SZRD1: variants seen among roughly 807,000 people sequenced by gnomAD.
SZRD1 encodes SUZ RNA binding domain containing 1, also known as SUZ RNA-binding domain-containing.
SZRD1 carries 7 observed loss-of-function variants against 17.6 expected under a neutral mutation model. That is an observed-to-expected ratio of 0.40 (90% CI 0.23 to 0.75). The LOEUF (loss-of-function observed/expected upper bound fraction) is 0.75, where lower values mean the gene tolerates loss of function less well. Among genes scored for constraint, SZRD1 ranks in the 30% least tolerant of loss-of-function variants. SZRD1 has a pLI of 0.38. For missense variants in SZRD1, 178 were observed against 201.8 expected, an observed-to-expected ratio of 0.88 and a Z score of 0.71; for synonymous variants, 77 against 77.9, an observed-to-expected ratio of 0.99 and a Z score of 0.06.
Position 16,381,166 on chromosome 1 carries a change from A to G in SZRD1, c.52-10209A>G, listed in dbSNP as rs182903396. Among the ~76,000 whole-genome samples, 21 of 151,476 alleles carry G rather than the reference A, an allele frequency of 1.4e-4. No homozygotes were observed. The East Asian group carries it at 3.7e-3, about 27-fold the overall frequency. ...CTGCTCAGGAGGCCGAGGCCGAAGGATCACTTGAGTCCAGGAGTGTGAGGC... is the reference window on the plus strand; with the variant it reads ...CTGCTCAGGAGGCCGAGGCCGAAGGGTCACTTGAGTCCAGGAGTGTGAGGC... On this transcript the variant is annotated intron_variant, in intron 1 of 3. Transcript: ENST00000401088.
In SZRD1 at chr1:16,389,308, A is replaced by G. The variant is rs547029723; in HGVS notation, c.52-2067A>G. On this transcript the variant is annotated intron_variant, in intron 1 of 3. Transcript: ENST00000401088. ...GGGGCAGAGTCTTGCTCTGTCGCCC[A>G]GGCTGGAGTGCAGTGGCGCCATCTC... 1.2e-4 allele frequency among the ~76,000 whole-genome samples: 18 copies of G among 150,318 alleles called. No individual in the cohort carries two copies. The East Asian group carries it at 3.6e-3, about 30-fold the overall frequency.
rs2082872674 is a variant in SZRD1 at position 16,369,307 on chromosome 1, T to C, written c.51+1999T>C. 4.9e-5 allele frequency: 34 copies of C among 695,552 alleles called. No homozygotes were observed. In the South Asian group the frequency reaches 5.7e-4, roughly 12 times the overall value. The allele number at this position is 695,552 out of a possible 1,614,324, so 43.1% of individuals were successfully genotyped here. Reference sequence around the variant, plus strand: ...GAAATACCTTTTGGAGAAAGGCACCTCGGATGTCACGTTGATCTTGCTCTT... The same window carrying C: ...GAAATACCTTTTGGAGAAAGGCACCCCGGATGTCACGTTGATCTTGCTCTT... On this transcript the variant is annotated intron_variant, in intron 1 of 3. Coordinates refer to ENST00000401088, the MANE Select transcript of SZRD1 (RefSeq NM_001114600.3).
chr1:16,384,768 T>G (rs1004694113), intron 1 of SZRD1, among the ~76,000 whole-genome samples: 3 of 152,312 alleles, frequency 2.0e-5, no homozygotes, highest in African/African-American at 7.2e-5. Flanking sequence ...CTTTGCCCTT[T>G]GCTTTTTGTG....
chr1:16,369,991 A>G lies in SZRD1; in HGVS notation c.51+2683A>G, dbSNP rs567165687. The stretch of plus-strand genomic sequence containing the variant: ...AAATGCAGGTTCTCTAATATATTTT[A>G]TTTAATTGAATCCTTGAAACAACCT... On this transcript the variant is annotated intron_variant, in intron 1 of 3. Coordinates refer to ENST00000401088, the MANE Select transcript of SZRD1 (RefSeq NM_001114600.3). Among the ~76,000 whole-genome samples, 4 of 151,886 alleles carry G rather than the reference A, an allele frequency of 2.6e-5. No homozygotes were observed. The East Asian group carries it at 7.8e-4, about 29-fold the overall frequency.
At chr1:16,376,910 C>T (rs2083013690) in intron 1 of SZRD1, among the ~76,000 whole-genome samples, 1 of 151,284 alleles carries the variant, frequency 6.6e-6, no homozygotes, top group Non-Finnish European at 1.5e-5. Flanking sequence ...TCAAGTGATA[C>T]TCCCACCTCA....
intron 1 of SZRD1, among the ~76,000 whole-genome samples, chr1:16,386,568 T>A (rs77013240): frequency 0.025 from 3,829 of 152,268 alleles, 163 homozygotes; most frequent in African/African-American, 0.087. Context: ...GAGAATAGAC[T>A]GACTCATGAT....
intron 1 of SZRD1, chr1:16,387,912 C>T: frequency 2.9e-6 from 1 of 345,132 alleles, no homozygotes; most frequent in South Asian, 2.2e-5. Context: ...ACGTAGTGGA[C>T]ATAGATTCTG....
chr1:16,383,068 A>G (rs2100725884), intron 1 of SZRD1, among the ~76,000 whole-genome samples: 1 of 150,264 alleles, frequency 6.7e-6, no homozygotes, highest in African/African-American at 2.4e-5. Context: ...GTTTCACCAT[A>G]TTGCTCAGGC....
intron 1 of SZRD1, among the ~76,000 whole-genome samples, chr1:16,374,762 G>A (rs968195188): frequency 6.6e-6 from 1 of 152,220 alleles, no homozygotes; most frequent in Admixed American, 6.5e-5. Flanking sequence ...CTACTGACCT[G>A]TTGGTTTCCT....
chr1:16,385,160 C>T (rs1179379819), intron 1 of SZRD1, among the ~76,000 whole-genome samples: 4 of 152,070 alleles, frequency 2.6e-5, no homozygotes, highest in African/African-American at 9.7e-5. Flanking sequence ...GTGTTGGTGA[C>T]ACTGGAGACC....
chr1:16,387,770 G>T lies in SZRD1; in HGVS notation c.52-3605G>T, dbSNP rs535775509. 4.6e-4 allele frequency: 204 copies of T among 448,144 alleles called. 1 individual carries two copies. Among genetic ancestry groups the T allele is most frequent in the Middle Eastern group, 6.6e-4 (2 of 3,014 alleles). The allele number at this position is 448,144 out of a possible 1,614,324, so 27.8% of individuals were successfully genotyped here. A position where few individuals can be genotyped will look rare whatever the true frequency, so the allele number is the denominator to read the frequency against. ...ACAGTATGAAACTTTAAAACAAGAA[G>T]TTACTTGTGAGAAGCCCTTAAAAGG... On this transcript the variant is annotated intron_variant, in intron 1 of 3. Coordinates refer to ENST00000401088, the MANE Select transcript of SZRD1 (RefSeq NM_001114600.3).
rs1042785163 is a variant in SZRD1, at chr1:16,391,163, C to A, written c.52-212C>A. Among the ~76,000 whole-genome samples, 2 of 152,126 alleles carry A rather than the reference C, an allele frequency of 1.3e-5. No homozygotes were observed. On this transcript the variant is annotated intron_variant, in intron 1 of 3. Coordinates refer to ENST00000401088, the MANE Select transcript of SZRD1 (RefSeq NM_001114600.3). The surrounding 1 kb of genome is among the most constrained non-coding windows in gnomAD (Gnocchi z 4.3). ...CCCAGCTGAACAATGAGGTTTAGAA[C>A]TGTCATGGCGGCCATGGGGCTAGAA...
Position 16,395,230 on chromosome 1 carries a change from C to A in SZRD1, c.*90C>A. 1.1e-6 allele frequency: 1 copy of A among 910,520 alleles called. No homozygotes were observed. The highest frequency in any genetic ancestry group is 1.8e-6 in the Non-Finnish European group (1 of 549,452). 56.4% of individuals were successfully genotyped at this position (910,520 alleles called of 1,614,324 possible). A position where few individuals can be genotyped will look rare whatever the true frequency, so the allele number is the denominator to read the frequency against. On this transcript the variant is annotated 3_prime_UTR_variant, in exon 4 of 4. Transcript: ENST00000401088. ...TGCACTGCCGTGGCAGACAGCTGGA[C>A]TTGAGCAGAGGGAACGACCTGACTT...
At position 16,393,751 on chromosome 1, in the gene SZRD1, A is replaced by C. The variant is rs1274588583; in HGVS notation, c.356+269A>C. Among the ~76,000 whole-genome samples the C allele has an allele frequency of 6.6e-6, 1 of 152,172 alleles. No homozygotes were observed. The highest frequency in any genetic ancestry group is 1.5e-5 in the Non-Finnish European group (1 of 68,028). ...AGTCACCGGGGGCACTGTTGTGTAG[A>C]GAGTGAAGGCACAGATGAGCTTGTG... On this transcript the variant is annotated intron_variant, in intron 3 of 3. Coordinates refer to ENST00000401088, the MANE Select transcript of SZRD1 (RefSeq NM_001114600.3). The surrounding 1 kb of genome is among the most constrained non-coding windows in gnomAD (Gnocchi z 5.6).
chr1:16,396,507 CT>C lies in SZRD1; in HGVS notation c.*1369del, dbSNP rs1331502573. The C allele has an allele frequency of 1.3e-5, 2 of 152,296 alleles. No individual in the cohort carries two copies. The highest frequency in any genetic ancestry group is 2.1e-4 in the South Asian group (1 of 4,826). The allele number at this position is 152,296 out of a possible 1,614,324, so 9.4% of individuals were successfully genotyped here. On this transcript the variant is annotated 3_prime_UTR_variant, in exon 4 of 4. Transcript: ENST00000401088. ...TGGAGCCTGGGGTTTGCTTTGGCTC[CT>C]TGAGGTGGAAGAGACTAAGAGGGCA...
chr1:16,381,128 C>T (rs1270726678), intron 1 of SZRD1, among the ~76,000 whole-genome samples: 2 of 150,840 alleles, frequency 1.3e-5, no homozygotes, highest in African/African-American at 2.4e-5. Context: ...GTGGCACATG[C>T]CTATAATCCC....
At chr1:16,394,910 G>A (rs1251867398) in intron 3 of SZRD1, 128 bp from the exon 4 acceptor site, 4 of 632,514 alleles carry the variant, frequency 6.3e-6, no homozygotes, top group East Asian at 5.5e-5. Context: ...AGCGGAGATC[G>A]TGCCACTGCA....
At chr1:16,376,273 C>T (rs527567404) in intron 1 of SZRD1, among the ~76,000 whole-genome samples, 29 of 152,306 alleles carry the variant, frequency 1.9e-4, no homozygotes, top group African/African-American at 6.3e-4. Flanking sequence ...TGCTTAGTTA[C>T]TAGCTCCTTT....
At chr1:16,384,324 AGC>A (rs1308881031) in intron 1 of SZRD1, among the ~76,000 whole-genome samples, 5 of 151,334 alleles carry the variant, frequency 3.3e-5, no homozygotes, top group African/African-American at 1.2e-4. Context: ...GGATCACTTG[AGC>A]CCACAGTTCA....
Sources: gnomAD v4.1 joint callset for allele counts (sites outside exome capture counted in the v4.1 genomes callset) on GRCh38, gnomAD v4.1.1 for gene constraint, Gnocchi (gnomAD v3.1) non-coding constraint, MANE v1.5 for transcripts, NCBI Gene and HGNC (gene_info 2026-07-23, HGNC 2026-07-21) for gene names.